CLSTN2: variants seen among roughly 807,000 people sequenced by gnomAD.
The protein encoded by CLSTN2 is calsyntenin-2.
Under a neutral mutation model 101.2 loss-of-function variants are expected in CLSTN2, and 48 were observed. That is an observed-to-expected ratio of 0.47 (90% CI 0.38 to 0.60). CLSTN2 has a LOEUF of 0.60. Ranked by LOEUF, CLSTN2 falls within the 20% of genes least tolerant of loss-of-function variation. The probability of loss-of-function intolerance (pLI) is 0.00; values close to 1 mark genes in which losing one functional copy is unlikely to be tolerated. For synonymous variants in CLSTN2, 481 were observed against 463.6 expected (o/e 1.04, Z -0.48); for missense variants, 1,160 against 1,238.2 (o/e 0.94, Z 0.95).
intron 7 of CLSTN2, among the ~76,000 whole-genome samples, chr3:140,465,853 C>A (rs570166309): frequency 1.3e-5 from 2 of 152,288 alleles, no homozygotes; most frequent in African/African-American, 2.4e-5. Context: ...TTATGGAACA[C>A]GCGCCTCCTG....
chr3:139,975,943 T>C (rs1302692772), intron 1 of CLSTN2, among the ~76,000 whole-genome samples: 1 of 152,222 alleles, frequency 6.6e-6, no homozygotes, highest in Non-Finnish European at 1.5e-5. Flanking sequence ...GACACAGTTA[T>C]GAGGCAGGTA....
intron 1 of CLSTN2, among the ~76,000 whole-genome samples, chr3:139,963,861 G>A (rs1051771418): frequency 7.2e-5 from 11 of 152,198 alleles, no homozygotes; most frequent in African/African-American, 2.4e-4. Context: ...CCAGTGCTGA[G>A]CTGAGTTCTT....
At chr3:140,222,945 T>C (rs2086288527) in intron 2 of CLSTN2, among the ~76,000 whole-genome samples, 1 of 152,128 alleles carries the variant, frequency 6.6e-6, no homozygotes, top group Non-Finnish European at 1.5e-5. Context: ...CTTTTCATCT[T>C]TGCCCAATCT....
intron 2 of CLSTN2, among the ~76,000 whole-genome samples, chr3:140,187,887 T>A (rs2010505547): frequency 1.3e-5 from 2 of 152,120 alleles, no homozygotes; most frequent in Non-Finnish European, 2.9e-5. Flanking sequence ...ATGGGCCATA[T>A]AATTCCACCT....
chr3:140,181,933 G>A (rs2010414292), intron 2 of CLSTN2, among the ~76,000 whole-genome samples: 1 of 152,158 alleles, frequency 6.6e-6, no homozygotes, highest in Non-Finnish European at 1.5e-5. Context: ...CAGTGTGTAG[G>A]ACTTATGTCA....
chr3:140,494,624 C>G (rs116765634), intron 8 of CLSTN2, among the ~76,000 whole-genome samples: 2,541 of 152,248 alleles, frequency 0.017, 63 homozygotes, highest in African/African-American at 0.057. Context: ...CCCTACCTCA[C>G]CCCCAACAGG....
At chr3:140,213,150 C>T (rs187878878) in intron 2 of CLSTN2, among the ~76,000 whole-genome samples, 1 of 152,236 alleles carries the variant, frequency 6.6e-6, no homozygotes, top group East Asian at 1.9e-4. Flanking sequence ...AGAAAAGAAA[C>T]AGCAGATGAA....
chr3:140,408,772 C>T (rs974993594), intron 4 of CLSTN2, among the ~76,000 whole-genome samples: 24 of 152,332 alleles, frequency 1.6e-4, no homozygotes, highest in African/African-American at 5.3e-4. Flanking sequence ...ATGGCCTGGG[C>T]TCCAGCCAAA....
intron 7 of CLSTN2, among the ~76,000 whole-genome samples, chr3:140,464,131 T>A (rs57880474): frequency 1.1e-3 from 172 of 152,320 alleles, no homozygotes; most frequent in African/African-American, 4.0e-3. Flanking sequence ...ACTGGCTTTT[T>A]AAAGAGACTT....
intron 10 of CLSTN2, among the ~76,000 whole-genome samples, chr3:140,553,733 G>A (rs1935750117): frequency 6.6e-6 from 1 of 152,190 alleles, no homozygotes; most frequent in South Asian, 2.1e-4. Flanking sequence ...CACTGCCTCA[G>A]CTCAGAATTG....
intron 1 of CLSTN2, among the ~76,000 whole-genome samples, chr3:140,079,525 G>A (rs1223555431): frequency 6.6e-6 from 1 of 152,146 alleles, no homozygotes. Context: ...CAACGCAGGG[G>A]CAGATCATGA....
chr3:140,550,578 T>C (rs1935682731), intron 10 of CLSTN2, among the ~76,000 whole-genome samples: 1 of 152,148 alleles, frequency 6.6e-6, no homozygotes, highest in African/African-American at 2.4e-5. Context: ...TGCATCTGCG[T>C]AGATCTTCTC....
chr3:140,170,375 C>T (rs2010193323), intron 1 of CLSTN2, among the ~76,000 whole-genome samples: 1 of 152,014 alleles, frequency 6.6e-6, no homozygotes, highest in African/African-American at 2.4e-5. Context: ...TCAATCTTGA[C>T]AAAGCAAAAA....
chr3:140,014,741 G>A (rs893086084), intron 1 of CLSTN2, among the ~76,000 whole-genome samples: 1 of 152,182 alleles, frequency 6.6e-6, no homozygotes, highest in Non-Finnish European at 1.5e-5. Flanking sequence ...GAGGAGCAGG[G>A]ATGGGGTCAG....
chr3:140,195,250 G>A (rs1227895182), intron 2 of CLSTN2, among the ~76,000 whole-genome samples: 3 of 152,170 alleles, frequency 2.0e-5, no homozygotes, highest in African/African-American at 4.8e-5. Flanking sequence ...GCTAGAGAAA[G>A]CAGCCTTTTC....
chr3:140,065,617 C>T (rs1339374625), intron 1 of CLSTN2, among the ~76,000 whole-genome samples: 1 of 152,148 alleles, frequency 6.6e-6, no homozygotes, highest in Non-Finnish European at 1.5e-5. Flanking sequence ...GCAAATTCGC[C>T]TTTCTCTCTA....
chr3:140,267,784 C>T (rs925393477), intron 2 of CLSTN2, among the ~76,000 whole-genome samples: 1 of 152,126 alleles, frequency 6.6e-6, no homozygotes, highest in African/African-American at 2.4e-5. Flanking sequence ...CTCAACATTA[C>T]ATTTGCACTG....
chr3:140,043,116 T>C (rs889807194), intron 1 of CLSTN2, among the ~76,000 whole-genome samples: 13 of 152,216 alleles, frequency 8.5e-5, no homozygotes, highest in Non-Finnish European at 1.6e-4. Flanking sequence ...TCCACAATGG[T>C]TGAACTAGTT....
intron 1 of CLSTN2, among the ~76,000 whole-genome samples, chr3:140,050,443 A>C (rs915297626): frequency 1.3e-5 from 2 of 152,238 alleles, no homozygotes; most frequent in African/African-American, 4.8e-5. Flanking sequence ...TGAAATATTC[A>C]GGGCTAGCAT....
Sources: allele counts gnomAD v4.1 joint callset (sites outside exome capture counted in the v4.1 genomes callset), GRCh38; gene constraint gnomAD v4.1.1; transcripts MANE v1.5; gene names NCBI Gene and HGNC (gene_info 2026-07-23, HGNC 2026-07-21).